Variants in IGF2BP2 observed in about 807,000 individuals in gnomAD.
The protein encoded by IGF2BP2 is insulin-like growth factor 2 mRNA-binding protein 2.
A neutral mutation model predicts 75.8 loss-of-function variants in IGF2BP2; 17 were observed. The observed-to-expected ratio is 0.22, with a 90% CI of 0.15 to 0.34. IGF2BP2 has a LOEUF of 0.34. IGF2BP2 is among the 10% of genes least tolerant of loss of function. The pLI is 1.00. For synonymous variants in IGF2BP2, 288 were observed against 295.6 expected (o/e 0.97, Z 0.26); for missense variants, 516 against 772.4 (o/e 0.67, Z 3.93).
chr3:185,762,189 A>G (rs1278217496), intron 2 of IGF2BP2, among the ~76,000 whole-genome samples: 1 of 152,024 alleles, frequency 6.6e-6, no homozygotes, highest in Non-Finnish European at 1.5e-5. Flanking sequence ...AGAGTTCGAG[A>G]GCAGCCTGGC....
intron 2 of IGF2BP2, among the ~76,000 whole-genome samples, chr3:185,702,823 A>C (rs1723499237): frequency 6.6e-6 from 1 of 152,036 alleles, no homozygotes; most frequent in African/African-American, 2.4e-5. Context: ...TGAGCCTTCA[A>C]CTCCCTCAGC....
intron 2 of IGF2BP2, among the ~76,000 whole-genome samples, chr3:185,789,332 C>G (rs1736314416): frequency 6.6e-6 from 1 of 152,222 alleles, no homozygotes; most frequent in Admixed American, 6.5e-5. Context: ...TATCACGCAC[C>G]CCTTAGAACT....
At chr3:185,649,595 T>G in intron 13 of IGF2BP2, 61 bp from the exon 14 acceptor site, 1 of 1,601,248 alleles carries the variant, frequency 6.2e-7, no homozygotes, top group Non-Finnish European at 8.5e-7. Flanking sequence ...ACTTCATCAG[T>G]GCTGCGAAGG....
chr3:185,784,612 C>T (rs556673857), intron 2 of IGF2BP2, among the ~76,000 whole-genome samples: 1 of 152,372 alleles, frequency 6.6e-6, no homozygotes, highest in Non-Finnish European at 1.5e-5. Context: ...AATGCTGTTC[C>T]AGCGATCCCC....
In IGF2BP2 at chr3:185,692,775, C is replaced by CA; in HGVS notation, c.341-14dup. The CA allele has an allele frequency of 6.2e-7, 1 of 1,612,912 alleles. No individual in the cohort carries two copies. The highest frequency in any genetic ancestry group is 8.5e-7 in the Non-Finnish European group (1 of 1,179,296). Reference sequence around the variant, plus strand: ...GTGTCTGTGTTGACTAGGGAAAAGGCAAAAACTACACTGTCATAGGAAAAA... The same window carrying CA: ...GTGTCTGTGTTGACTAGGGAAAAGGCAAAAAACTACACTGTCATAGGAAAAA... On this transcript the variant is annotated splice_polypyrimidine_tract_variant and intron_variant, in intron 4 of 15. Transcript: ENST00000382199.
At chr3:185,736,930 G>T (rs536780621) in intron 2 of IGF2BP2, among the ~76,000 whole-genome samples, 61 of 152,308 alleles carry the variant, frequency 4.0e-4, no homozygotes, top group African/African-American at 1.4e-3. Flanking sequence ...AAATGGAACA[G>T]CCCTCCCCAA....
At chr3:185,810,635 G>A (rs1047068945) in intron 2 of IGF2BP2, among the ~76,000 whole-genome samples, 3 of 152,030 alleles carry the variant, frequency 2.0e-5, no homozygotes, top group Non-Finnish European at 4.4e-5. Context: ...TTAGCCAAGC[G>A]TGGTGGCGGA....
intron 2 of IGF2BP2, among the ~76,000 whole-genome samples, chr3:185,746,043 G>C (rs541376391): frequency 8.5e-5 from 13 of 152,280 alleles, no homozygotes; most frequent in Non-Finnish European, 1.3e-4. Flanking sequence ...AAGTAAACCA[G>C]ACCAGACTTA....
intron 10 of IGF2BP2, among the ~76,000 whole-genome samples, chr3:185,672,336 C>T (rs949650440): frequency 1.3e-5 from 2 of 152,178 alleles, no homozygotes; most frequent in Non-Finnish European, 1.5e-5. Flanking sequence ...TATTTAAGAA[C>T]ACGTGTTTAG....
chr3:185,667,249 G>A (rs1316760458), intron 10 of IGF2BP2, among the ~76,000 whole-genome samples: 1 of 136,924 alleles, frequency 7.3e-6, no homozygotes, highest in African/African-American at 2.5e-5. Context: ...CTCAGTATAA[G>A]TCAAGATAAA....
At chr3:185,821,070 T>C in intron 2 of IGF2BP2, 1 of 1,535,290 alleles carries the variant, frequency 6.5e-7, no homozygotes, top group South Asian at 1.2e-5. Context: ...ATACAGCTGC[T>C]TCATCCCTGA....
At position 185,716,669 on chromosome 3, in the gene IGF2BP2, G is replaced by A. The variant is rs527716444; in HGVS notation, c.240-18322C>T. 5.8e-4 allele frequency: 304 copies of A among 520,124 alleles called. 4 individuals carry two copies. Among genetic ancestry groups the A allele is most frequent in the South Asian group, 3.9e-3 (281 of 71,578 alleles). 32.2% of individuals were successfully genotyped at this position (520,124 alleles called of 1,614,324 possible). ...TCAGCTGTCTTGGGCTCCCTGATCTGGTTAAGGAGAGTGTATTTACTCAGG... is the reference window on the plus strand; with the variant it reads ...TCAGCTGTCTTGGGCTCCCTGATCTAGTTAAGGAGAGTGTATTTACTCAGG... On this transcript the variant is annotated intron_variant, in intron 2 of 15. Coordinates refer to ENST00000382199, the MANE Select transcript of IGF2BP2 (RefSeq NM_006548.6).
rs77149535 is a variant in IGF2BP2, at chr3:185,746,974, T to C, written c.240-48627A>G. Reference sequence around the variant, plus strand: ...TTCCTGGCCTGCCTTCTTCTGGAAGTGTGATTGGACAAGAGGCAAAATCAA... The same window carrying C: ...TTCCTGGCCTGCCTTCTTCTGGAAGCGTGATTGGACAAGAGGCAAAATCAA... On this transcript the variant is annotated intron_variant, in intron 2 of 15. Coordinates refer to ENST00000382199, the MANE Select transcript of IGF2BP2 (RefSeq NM_006548.6). 9.9e-5 allele frequency among the ~76,000 whole-genome samples: 15 copies of C among 152,250 alleles called. No individual in the cohort carries two copies. In the East Asian group the frequency reaches 2.9e-3, roughly 29 times the overall value.
chr3:185,748,363 A>G (rs1238570143), intron 2 of IGF2BP2, among the ~76,000 whole-genome samples: 3 of 152,362 alleles, frequency 2.0e-5, no homozygotes, highest in South Asian at 4.1e-4. Context: ...CTGTGTCTTA[A>G]TATCAGAAGT....
chr3:185,643,789 T>C lies in IGF2BP2; in HGVS notation c.*1742A>G, dbSNP rs533727550. On this transcript the variant is annotated 3_prime_UTR_variant, in exon 16 of 16. Transcript: ENST00000382199. ...TTTTTCTTTTTTTTTCTTTTTTTTT[T>C]TTTTTTTTTTGTCACAGAACACTGT... The C allele has an allele frequency of 4.7e-5, 7 of 148,038 alleles. No individual in the cohort carries two copies. Among genetic ancestry groups the C allele is most frequent in the Admixed American group, 1.3e-4 (2 of 14,912 alleles). The allele number at this position is 148,038 out of a possible 1,614,324, so 9.2% of individuals were successfully genotyped here.
intron 4 of IGF2BP2, chr3:185,696,341 T>C: frequency 2.5e-6 from 1 of 399,336 alleles, no homozygotes; most frequent in South Asian, 5.7e-5. Flanking sequence ...TGACAGCGTT[T>C]GTCAGTGCTT....
At chr3:185,741,431 T>G (rs1729541657) in intron 2 of IGF2BP2, among the ~76,000 whole-genome samples, 1 of 152,206 alleles carries the variant, frequency 6.6e-6, no homozygotes, top group East Asian at 1.9e-4. Context: ...CCTTTCAGAT[T>G]CATTTCTTTC....
chr3:185,719,074 AGACT>A (rs1726109161), intron 2 of IGF2BP2, among the ~76,000 whole-genome samples: 2 of 152,222 alleles, frequency 1.3e-5, no homozygotes, highest in African/African-American at 4.8e-5. Flanking sequence ...AGGAAGAAAC[AGACT>A]GTGTTTGGAC....
At chr3:185,713,867 A>C (rs1317982160) in intron 2 of IGF2BP2, among the ~76,000 whole-genome samples, 4 of 152,028 alleles carry the variant, frequency 2.6e-5, no homozygotes, top group Non-Finnish European at 5.9e-5. Context: ...CACCCGGCTA[A>C]TTTTTGTGTT....
Sources: allele counts gnomAD v4.1 joint callset (sites outside exome capture counted in the v4.1 genomes callset), GRCh38; gene constraint gnomAD v4.1.1; transcripts MANE v1.5; gene names NCBI Gene and HGNC (gene_info 2026-07-23, HGNC 2026-07-21).